The following PLCB1 variants were observed in gnomAD, a reference collection of about 807,000 sequenced individuals.
PLCB1 encodes 1-phosphatidylinositol 4,5-bisphosphate phosphodiesterase beta-1.
PLCB1 carries 46 observed loss-of-function variants against 161.8 expected under a neutral mutation model. The observed-to-expected ratio is 0.28, with a 90% confidence interval of 0.22 to 0.36. The LOEUF (loss-of-function observed/expected upper bound fraction) is 0.36, where lower values mean the gene tolerates loss of function less well. Among genes scored for constraint, PLCB1 ranks in the 10% least tolerant of loss-of-function variants. The pLI is 1.00. For missense variants in PLCB1, 1,016 were observed against 1,472.5 expected (o/e 0.69, Z 5.07); for synonymous variants, 517 against 503.7 (o/e 1.03, Z -0.35).
intron 2 of PLCB1, among the ~76,000 whole-genome samples, chr20:8,229,474 T>A (rs1367989720): frequency 1.3e-5 from 2 of 152,194 alleles, no homozygotes; most frequent in East Asian, 3.8e-4. Context: ...AGTACTCACA[T>A]GCAGATGTTT....
Position 8,737,088 on chromosome 20 carries a change from T to A in PLCB1, c.2104T>A (p.Phe702Ile). 6.2e-7 allele frequency: 1 copy of A among 1,613,702 alleles called. No homozygotes were observed. Among genetic ancestry groups the A allele is most frequent in the Middle Eastern group, 1.7e-4 (1 of 6,058 alleles). The change falls in exon 20 of 32, where the codon TTT becomes ATT. Residue 702 changes from phenylalanine to isoleucine, a missense_variant. This residue lies in a region of PLCB1 where 67 missense variants were observed against 195.6 expected (regional missense o/e 0.34). Transcript: ENST00000338037. ...KVGTYVEVDM[F>I]GLPVDTRRKA... ...TGGGACTTACGTGGAAGTAGATATG[T>A]TTGGTTTGCCTGTGGATACAAGGAG...
At chr20:8,730,123 T>G (rs1013978440) in intron 18 of PLCB1, among the ~76,000 whole-genome samples, 7 of 152,088 alleles carry the variant, frequency 4.6e-5, no homozygotes, top group Admixed American at 1.3e-4. Flanking sequence ...GTATATTGTC[T>G]TTTGTGAAAC....
In PLCB1 at chr20:8,400,435, T is replaced by C. The variant is rs150620942; in HGVS notation, c.246+28985T>C. ...GTGGGTAGCAGTGGAATTGGTCTGA[T>C]GTAATGTTTTTAAATTGTTTTTATT... On this transcript the variant is annotated intron_variant, in intron 3 of 31. Coordinates refer to ENST00000338037, the MANE Select transcript of PLCB1 (RefSeq NM_015192.4). 5.5e-3 allele frequency among the ~76,000 whole-genome samples: 836 copies of C among 152,302 alleles called. 8 individuals are homozygous for C. Among genetic ancestry groups the C allele is most frequent in the African/African-American group, 0.018 (751 of 41,570 alleles).
chr20:8,319,851 T>TG (rs1984829848), intron 2 of PLCB1, among the ~76,000 whole-genome samples: 2 of 61,224 alleles, frequency 3.3e-5, no homozygotes, highest in African/African-American at 5.6e-5. Context: ...CCTCTTGGGG[T>TG]GGGGGGAAGG....
At chr20:8,542,195 C>CCACTTTCCTA (rs1330385511) in intron 3 of PLCB1, among the ~76,000 whole-genome samples, 2 of 152,162 alleles carry the variant, frequency 1.3e-5, no homozygotes, top group Admixed American at 1.3e-4. Context: ...ATTTCCACGA[C>CCACTTTCCTA]CGGTTCTTTC....
chr20:8,241,654 T>C (rs1282616789), intron 2 of PLCB1, among the ~76,000 whole-genome samples: 1 of 151,886 alleles, frequency 6.6e-6, no homozygotes, highest in East Asian at 1.9e-4. Context: ...GTTGTAAGTC[T>C]TGTTTTGTTT....
intron 2 of PLCB1, among the ~76,000 whole-genome samples, chr20:8,277,054 G>T (rs1982617344): frequency 6.7e-6 from 1 of 149,506 alleles, no homozygotes; most frequent in African/African-American, 2.5e-5. Context: ...AGGCTGGAGT[G>T]CAGTGGCACG....
chr20:8,567,869 C>T (rs372676369), intron 3 of PLCB1, among the ~76,000 whole-genome samples: 1 of 152,112 alleles, frequency 6.6e-6, no homozygotes, highest in Non-Finnish European at 1.5e-5. Context: ...TTAGAAATTG[C>T]GACTTAGCAA....
chr20:8,825,708 G>C (rs950517827), intron 31 of PLCB1, among the ~76,000 whole-genome samples: 2 of 152,206 alleles, frequency 1.3e-5, no homozygotes, highest in Admixed American at 1.3e-4. Flanking sequence ...TTTAGACTTT[G>C]AAAATATTTT....
chr20:8,532,545 T>G (rs1372097540), intron 3 of PLCB1, among the ~76,000 whole-genome samples: 6 of 152,212 alleles, frequency 3.9e-5, no homozygotes, highest in Admixed American at 2.0e-4. Context: ...TTCCAGGAGC[T>G]AAATATGGTA....
intron 3 of PLCB1, among the ~76,000 whole-genome samples, chr20:8,496,056 G>A (rs1361084763): frequency 1.3e-5 from 2 of 152,108 alleles, no homozygotes; most frequent in African/African-American, 4.8e-5. Flanking sequence ...TTTCTTTGTA[G>A]CTTAATCTCC....
chr20:8,732,641 T>G (rs986956981), intron 18 of PLCB1, among the ~76,000 whole-genome samples: 3 of 146,236 alleles, frequency 2.1e-5, no homozygotes, highest in African/African-American at 7.4e-5. Flanking sequence ...AAATTAGAAA[T>G]TAGATATTAG....
At chr20:8,616,997 T>C (rs951214957) in intron 3 of PLCB1, among the ~76,000 whole-genome samples, 6 of 152,292 alleles carry the variant, frequency 3.9e-5, no homozygotes, top group Admixed American at 3.9e-4. Flanking sequence ...GAGAGAGATC[T>C]TGAAAGCATT....
At chr20:8,241,639 C>T (rs117056662) in intron 2 of PLCB1, among the ~76,000 whole-genome samples, 2 of 151,948 alleles carry the variant, frequency 1.3e-5, no homozygotes, top group African/African-American at 2.4e-5. Context: ...AGACTTACAA[C>T]CCATGTTGTA....
intron 3 of PLCB1, among the ~76,000 whole-genome samples, chr20:8,454,026 A>G (rs574958023): frequency 2.6e-5 from 4 of 152,226 alleles, no homozygotes; most frequent in Admixed American, 2.6e-4. Flanking sequence ...CCATGTGAGG[A>G]GACAGGGGAA....
chr20:8,666,244 T>C (rs1045839014), intron 9 of PLCB1, among the ~76,000 whole-genome samples: 4 of 152,136 alleles, frequency 2.6e-5, no homozygotes, highest in Non-Finnish European at 5.9e-5. Context: ...TTGTCTCACT[T>C]CTCTTCTCTA....
chr20:8,373,121 A>C (rs1461112740), intron 3 of PLCB1, among the ~76,000 whole-genome samples: 1 of 152,196 alleles, frequency 6.6e-6, no homozygotes, highest in Non-Finnish European at 1.5e-5. Context: ...TAGATCCTCA[A>C]ATGCTTCTCG....
At chr20:8,681,086 G>GTATATGTATATATATA (rs1555782781) in intron 9 of PLCB1, among the ~76,000 whole-genome samples, 8 of 73,836 alleles carry the variant, frequency 1.1e-4, no homozygotes, top group South Asian at 8.5e-4. Context: ...ATGTGTGTGT[G>GTATATGTATATATATA]TATATATATA....
At chr20:8,750,755 A>G (rs1393021738) in intron 23 of PLCB1, 1 of 915,350 alleles carries the variant, frequency 1.1e-6, no homozygotes, top group Non-Finnish European at 1.6e-6. Flanking sequence ...CCTTAAGGGA[A>G]AGGCTGGCTC....
Sources: gnomAD v4.1 joint callset for allele counts (sites outside exome capture counted in the v4.1 genomes callset) on GRCh38, gnomAD v4.1.1 for gene constraint, gnomAD v4.1.1 regional missense constraint, MANE v1.5 for transcripts, NCBI Gene and HGNC (gene_info 2026-07-23, HGNC 2026-07-21) for gene names.